UGT2B11: variants seen among roughly 807,000 people sequenced by gnomAD.
UGT2B11 encodes the protein UDP-glucuronosyltransferase 2B11.
UGT2B11 carries 49 observed loss-of-function variants against 51.7 expected under a neutral mutation model. The ratio of observed to expected loss-of-function variants is 0.95; its 90% CI spans 0.75 to 1.20. The LOEUF (loss-of-function observed/expected upper bound fraction) is 1.20, where lower values mean the gene tolerates loss of function less well. UGT2B11 is among the 50% of genes most tolerant of loss of function. The pLI, the probability that UGT2B11 is intolerant of heterozygous loss-of-function variation, is 0.00. For missense variants in UGT2B11, 810 were observed against 622.1 expected, an observed-to-expected ratio of 1.30 and a Z score of -3.21; for synonymous variants, 273 against 209.0, an observed-to-expected ratio of 1.31 and a Z score of -2.64.
the UGT2B11 span, among the ~76,000 whole-genome samples, chr4:69,224,279 C>A: frequency 9.1e-4 from 138 of 152,212 alleles, 2 homozygotes; most frequent in Middle Eastern, 0.01. Context: ...ACTCAGTAAC[C>A]CTTGCAGGGA....
Position 69,210,180 on chromosome 4 carries a change from A to G in UGT2B11, c.871-1698T>C, listed in dbSNP as rs114998193. 7.3e-3 allele frequency among the ~76,000 whole-genome samples: 1,101 copies of G among 151,770 alleles called. 13 individuals are homozygous for G. Among genetic ancestry groups the G allele is most frequent in the African/African-American group, 0.025 (1,021 of 41,496 alleles). On this transcript the variant is annotated intron_variant, in intron 2 of 5. Transcript: ENST00000446444. ...TGGTGTAATTGAACATTTCATTGAT[A>G]AAATTATTTTAATGCTATTGTATGC...
chr4:69,208,346 C>T lies in UGT2B11; in HGVS notation c.1002+5G>A, dbSNP rs1577963095. ...TTTCCACACCAGTAAGGCCCTTTAT[C>T]TTACCTTTTGTGGGATCTTGGCAAG... is the stretch of plus-strand genomic sequence containing the variant. On this transcript the variant is annotated splice_donor_5th_base_variant and intron_variant, in intron 3 of 5. Transcript: ENST00000446444. 5.0e-6 allele frequency: 8 copies of T among 1,610,650 alleles called. 1 individual carries two copies. The South Asian group carries it at 5.5e-5, about 11-fold the overall frequency.
intron 3 of UGT2B11, among the ~76,000 whole-genome samples, chr4:69,207,011 AT>A (rs1161714300): frequency 6.6e-6 from 1 of 151,622 alleles, no homozygotes; most frequent in African/African-American, 2.4e-5. Context: ...TCCCAGAAAA[AT>A]TTCAAGCGAC....
At chr4:69,224,960 T>C in the UGT2B11 span, among the ~76,000 whole-genome samples, 2 of 152,124 alleles carry the variant, frequency 1.3e-5, no homozygotes, top group Admixed American at 6.6e-5. Context: ...AAAACCAGAA[T>C]TGTAACTTAA....
At chr4:69,224,219 G>A in the UGT2B11 span, among the ~76,000 whole-genome samples, 1 of 152,146 alleles carries the variant, frequency 6.6e-6, no homozygotes, top group Non-Finnish European at 1.5e-5. Flanking sequence ...AGTCTGGCCG[G>A]CGGACATTAG....
the UGT2B11 span, among the ~76,000 whole-genome samples, chr4:69,220,854 C>T: frequency 2.0e-5 from 3 of 152,060 alleles, no homozygotes; most frequent in Admixed American, 6.6e-5. Context: ...TAGGGCTCTC[C>T]GATTTTGAAG....
chr4:69,206,716 G>C (rs559378917), intron 3 of UGT2B11, among the ~76,000 whole-genome samples: 1 of 151,668 alleles, frequency 6.6e-6, no homozygotes, highest in East Asian at 2.0e-4. Context: ...TGTAATTCTA[G>C]TGTAATAAAA....
intron 1 of UGT2B11, among the ~76,000 whole-genome samples, 165 bp downstream of exon 1, chr4:69,213,837 A>C (rs1722162433): frequency 6.6e-6 from 1 of 151,782 alleles, no homozygotes; most frequent in Non-Finnish European, 1.5e-5. Flanking sequence ...TTATAATTTA[A>C]GCTTTTCTAT....
At chr4:69,212,843 A>G in intron 1 of UGT2B11, 122 bp from the exon 2 acceptor site, 6 of 869,680 alleles carry the variant, frequency 6.9e-6, no homozygotes, top group Non-Finnish European at 7.6e-6. Context: ...TTTGAAAAAT[A>G]TATAAATATA....
At chr4:69,220,076 A>G in the UGT2B11 span, among the ~76,000 whole-genome samples, 1 of 152,314 alleles carries the variant, frequency 6.6e-6, no homozygotes, top group African/African-American at 2.4e-5. Flanking sequence ...TTGGATAAAT[A>G]CACTCCTTCT....
At chr4:69,224,062 G>A in the UGT2B11 span, among the ~76,000 whole-genome samples, 14 of 152,146 alleles carry the variant, frequency 9.2e-5, no homozygotes, top group African/African-American at 3.1e-4. Context: ...CCTTCAAAAT[G>A]GCCATGGAAC....
rs553181266 is a variant in UGT2B11, at chr4:69,207,970, G to T, written c.1002+381C>A. On this transcript the variant is annotated intron_variant, in intron 3 of 5. Coordinates refer to ENST00000446444, the MANE Select transcript of UGT2B11 (RefSeq NM_001073.3). ...GAAAACACTTGAAAGTCATTCTAAA[G>T]ACTACATTAGGCACCATTTTCACTT... Among the ~76,000 whole-genome samples the T allele has an allele frequency of 1.1e-4, 17 of 151,684 alleles. 1 individual carries two copies. The South Asian group carries it at 3.5e-3, about 32-fold the overall frequency.
At position 69,214,347 on chromosome 4, in the gene UGT2B11, A is replaced by G. The variant is rs768360496; in HGVS notation, c.376T>C (p.Phe126Leu). 3.7e-6 allele frequency: 6 copies of G among 1,612,690 alleles called. No homozygotes were observed. Among genetic ancestry groups the G allele is most frequent in the African/African-American group, 1.3e-5 (1 of 74,786 alleles). Residue 126 changes from phenylalanine (F) to leucine (L), a missense_variant, in exon 1 of 6, where the codon TTC (phenylalanine) becomes CTC (leucine). Transcript: ENST00000446444. The part of the protein sequence containing the change: ...LWELYDIFRN[F>L]CKDVVSNKKV... The stretch of plus-strand genomic sequence containing the variant: ...TTATTTGAAACTACATCTTTACAGA[A>G]GTTTCTAAATATGTCATATAATTCC...
Position 69,209,466 on chromosome 4 carries a change from T to G in UGT2B11, c.871-984A>C, listed in dbSNP as rs138388176. Among the ~76,000 whole-genome samples, 347 of 151,798 alleles carry G rather than the reference T, an allele frequency of 2.3e-3. 2 individuals carry two copies. Among genetic ancestry groups the G allele is most frequent in the African/African-American group, 8.0e-3 (332 of 41,492 alleles). On this transcript the variant is annotated intron_variant, in intron 2 of 5. Coordinates refer to ENST00000446444, the MANE Select transcript of UGT2B11 (RefSeq NM_001073.3). ...GAAGATGTGCTTGGCTGCCATTGAT[T>G]GAGAATTATTCTGACTTGAGTTCCC...
chr4:69,209,833 G>T (rs906052708), intron 2 of UGT2B11, among the ~76,000 whole-genome samples: 1 of 151,472 alleles, frequency 6.6e-6, no homozygotes, highest in African/African-American at 2.4e-5. Context: ...TCTCTGTTTA[G>T]AGATTCATCA....
chr4:69,206,922 G>C (rs1721880637), intron 3 of UGT2B11, among the ~76,000 whole-genome samples: 1 of 151,488 alleles, frequency 6.6e-6, no homozygotes, highest in African/African-American at 2.4e-5. Flanking sequence ...TATAAAATAA[G>C]CTACTTATAA....
upstream of UGT2B11, among the ~76,000 whole-genome samples, chr4:69,219,712 G>C (rs1216408608): frequency 6.6e-6 from 1 of 152,082 alleles, no homozygotes; most frequent in African/African-American, 2.4e-5. Flanking sequence ...AAGATCTCAA[G>C]ACACTTATTC....
Position 69,200,583 on chromosome 4 carries a change from G to A in UGT2B11, c.1447C>T (p.Leu483Phe), listed in dbSNP as rs1441465615. The A allele has an allele frequency of 6.2e-7, 1 of 1,612,470 alleles. No homozygotes were observed. Among genetic ancestry groups the A allele is most frequent in the Non-Finnish European group, 8.5e-7 (1 of 1,179,028 alleles). The change falls in exon 6 of 6, where the codon CTC becomes TTC. Residue 483 changes from leucine to phenylalanine, a missense_variant. By Grantham distance (22) the Leu-to-Phe change is conservative. Coordinates refer to ENST00000446444, the MANE Select transcript of UGT2B11 (RefSeq NM_001073.3). ...AAAGAGTGGTACTGGAACCAGGTGA[G>A]GTCATGGGCTGCAACTCGAAGGTGT... ...AKHLRVAAHD[L>F]TWFQYHSLDV... is the part of the protein sequence containing the mutation.
the UGT2B11 span, among the ~76,000 whole-genome samples, chr4:69,224,830 G>A: frequency 2.6e-5 from 4 of 151,942 alleles, no homozygotes; most frequent in African/African-American, 9.7e-5. Flanking sequence ...GGTCCCAAGC[G>A]GGTAGCTAGT....
Sources: gnomAD v4.1 joint callset for allele counts (sites outside exome capture counted in the v4.1 genomes callset) on GRCh38, gnomAD v4.1.1 for gene constraint, MANE v1.5 for transcripts, NCBI Gene and HGNC (gene_info 2026-07-23, HGNC 2026-07-21) for gene names.